Variants in ANK2 observed in about 807,000 individuals in gnomAD.
ANK2 encodes ankyrin 2, also known as ankyrin-2.
A neutral mutation model predicts 360.5 loss-of-function variants in ANK2; 83 were observed. The observed-to-expected ratio is 0.23, with a 90% CI of 0.19 to 0.28. ANK2 has a LOEUF of 0.28. Ranked by LOEUF, ANK2 falls within the 10% of genes least tolerant of loss-of-function variation. The probability of loss-of-function intolerance (pLI) is 1.00; values close to 1 mark genes in which losing one functional copy is unlikely to be tolerated. For missense variants in ANK2, 4,201 were observed against 4,795.7 expected, an observed-to-expected ratio of 0.88 and a Z score of 3.66; for synonymous variants, 1,740 against 1,759.5, an observed-to-expected ratio of 0.99 and a Z score of 0.28.
Position 113,059,313 on chromosome 4 carries a change from C to CT in ANK2, c.84+9504dup, listed in dbSNP as rs543948612. ...TTCTGTAAAGTTGACACAGTAAATACTTTCAGTGTTCTGTGAAGTCAGTCA... is the reference window on the plus strand; with the variant it reads ...TTCTGTAAAGTTGACACAGTAAATACTTTTCAGTGTTCTGTGAAGTCAGTCA... On this transcript the variant is annotated intron_variant, in intron 1 of 45. Coordinates refer to ENST00000357077, the MANE Select transcript of ANK2 (RefSeq NM_001148.6). Among the ~76,000 whole-genome samples, 29 of 152,270 alleles carry CT rather than the reference C, an allele frequency of 1.9e-4. 2 individuals are homozygous for CT. In the South Asian group the frequency reaches 5.8e-3, roughly 30 times the overall value.
At chr4:113,119,522 GA>G (rs548699959) in intron 1 of ANK2, among the ~76,000 whole-genome samples, 2 of 148,680 alleles carry the variant, frequency 1.3e-5, no homozygotes, top group African/African-American at 4.9e-5. Flanking sequence ...ATGAAGAAAT[GA>G]AAAAAAAATG....
chr4:113,238,216 G>A lies in ANK2; in HGVS notation c.693+594G>A, dbSNP rs1357144332. ...ATCAATAAGAACATTAAGTTCAGAA[G>A]CCTCTCAGTATGGTGTGTTTGTATA... is the stretch of plus-strand genomic sequence containing the variant. On this transcript the variant is annotated intron_variant, in intron 7 of 45. Coordinates refer to ENST00000357077, the MANE Select transcript of ANK2 (RefSeq NM_001148.6). 2.0e-5 allele frequency among the ~76,000 whole-genome samples: 3 copies of A among 152,242 alleles called. No homozygotes were observed. In the East Asian group the frequency reaches 5.8e-4, roughly 29 times the overall value.
chr4:113,333,758 T>A (rs75256283), intron 29 of ANK2, among the ~76,000 whole-genome samples: 6,113 of 152,310 alleles, frequency 0.04, 156 homozygotes, highest in Non-Finnish European at 0.058. Flanking sequence ...TTCCTACCTA[T>A]AATTCAAACA....
chr4:113,286,419 C>G (rs1365290649), intron 18 of ANK2, among the ~76,000 whole-genome samples: 1 of 152,234 alleles, frequency 6.6e-6, no homozygotes, highest in Non-Finnish European at 1.5e-5. Flanking sequence ...AAAGCCTCCT[C>G]TCACGTTGTA....
chr4:112,822,006 G>A (rs2057193576), intron 1 of ANK2, among the ~76,000 whole-genome samples: 1 of 151,872 alleles, frequency 6.6e-6, no homozygotes, highest in Non-Finnish European at 1.5e-5. Context: ...GGGCTCAAGC[G>A]ATCCACCCGC....
intron 2 of ANK2, among the ~76,000 whole-genome samples, chr4:112,936,568 A>T (rs899085419): frequency 4.6e-5 from 7 of 151,956 alleles, no homozygotes; most frequent in Non-Finnish European, 1.0e-4. Flanking sequence ...CTGGTCTCGA[A>T]CTCCAGACCT....
chr4:112,711,566 C>T, the ANK2 span, among the ~76,000 whole-genome samples: 14 of 152,012 alleles, frequency 9.2e-5, no homozygotes, highest in African/African-American at 2.4e-4. Flanking sequence ...CCTGTAATCC[C>T]AGCACTTTGG....
intron 2 of ANK2, among the ~76,000 whole-genome samples, chr4:113,191,736 C>G (rs2098668249): frequency 6.6e-6 from 1 of 152,204 alleles, no homozygotes; most frequent in South Asian, 2.1e-4. Flanking sequence ...AATTAACCTA[C>G]ATTGTTTGAT....
the ANK2 span, among the ~76,000 whole-genome samples, chr4:112,780,565 G>A: frequency 5.3e-5 from 8 of 152,056 alleles, no homozygotes; most frequent in Non-Finnish European, 1.5e-5. Flanking sequence ...TAGAACAATA[G>A]CATATAATTA....
At chr4:113,192,925 A>T (rs2352532) in intron 2 of ANK2, among the ~76,000 whole-genome samples, 23,166 of 65,198 alleles carry the variant, frequency 0.36, 1,967 homozygotes, top group African/African-American at 0.4. Flanking sequence ...TGCATTATTT[A>T]AAAAAAAAAA....
chr4:113,186,433 C>T (rs767777360), intron 2 of ANK2, among the ~76,000 whole-genome samples: 3 of 152,086 alleles, frequency 2.0e-5, no homozygotes, highest in Non-Finnish European at 4.4e-5. Flanking sequence ...GGTAAATACA[C>T]GAAGATGAAG....
chr4:112,718,108 C>A, the ANK2 span, among the ~76,000 whole-genome samples: 1 of 152,206 alleles, frequency 6.6e-6, no homozygotes, highest in African/African-American at 2.4e-5. Context: ...ATTATCCTGA[C>A]CTTGATCACA....
intron 1 of ANK2, among the ~76,000 whole-genome samples, chr4:113,117,718 C>G (rs2094959400): frequency 6.6e-6 from 1 of 152,106 alleles, no homozygotes; most frequent in South Asian, 2.1e-4. Context: ...TCAGGCTACT[C>G]TTAGTACTGG....
At chr4:112,815,291 A>G (rs2055553194), upstream of ANK2, among the ~76,000 whole-genome samples, 1 of 152,218 alleles carries the variant, frequency 6.6e-6, no homozygotes, top group South Asian at 2.1e-4. Context: ...AAGATTATAA[A>G]CCCATCGAAT....
intron 1 of ANK2, among the ~76,000 whole-genome samples, chr4:113,137,691 A>G (rs924261080): frequency 5.9e-5 from 9 of 152,130 alleles, no homozygotes; most frequent in Non-Finnish European, 1.3e-4. Flanking sequence ...AGAGAAGATT[A>G]ATTTTATGTG....
chr4:113,241,244 T>C (rs2039685352), intron 8 of ANK2, among the ~76,000 whole-genome samples: 1 of 152,230 alleles, frequency 6.6e-6, no homozygotes, highest in African/African-American at 2.4e-5. Context: ...GTATGTATAA[T>C]GTTTTTGTAC....
At chr4:112,921,531 A>G (rs541501297) in intron 2 of ANK2, among the ~76,000 whole-genome samples, 19 of 152,118 alleles carry the variant, frequency 1.2e-4, no homozygotes, top group African/African-American at 4.1e-4. Flanking sequence ...GGCAATTCAC[A>G]GGTGCAATCA....
chr4:113,383,629 G>A lies in ANK2; in HGVS notation c.*2158G>A, dbSNP rs1398358331. 6.6e-6 allele frequency: 1 copy of A among 152,506 alleles called. No homozygotes were observed. Among genetic ancestry groups the A allele is most frequent in the African/African-American group, 2.4e-5 (1 of 41,398 alleles). The allele number at this position is 152,506 out of a possible 1,614,324, so 9.4% of individuals were successfully genotyped here. A position where few individuals can be genotyped will look rare whatever the true frequency, so the allele number is the denominator to read the frequency against. On this transcript the variant is annotated 3_prime_UTR_variant, in exon 46 of 46. Coordinates refer to ENST00000357077, the MANE Select transcript of ANK2 (RefSeq NM_001148.6). ...GATAACACTAATTGAATATATCTAT[G>A]AGGGCATGTATTAGTTAATGGAAAA...
chr4:112,851,738 C>T (rs1229630902), intron 1 of ANK2, among the ~76,000 whole-genome samples: 3 of 152,052 alleles, frequency 2.0e-5, no homozygotes, highest in African/African-American at 7.2e-5. Context: ...ATTCTCCTGC[C>T]TCAGCCTCCC....
Sources: gnomAD v4.1 joint callset for allele counts (sites outside exome capture counted in the v4.1 genomes callset) on GRCh38, gnomAD v4.1.1 for gene constraint, MANE v1.5 for transcripts, NCBI Gene and HGNC (gene_info 2026-07-23, HGNC 2026-07-21) for gene names.